CELF2: variants seen among roughly 807,000 people sequenced by gnomAD.
CELF2 encodes the protein CUGBP Elav-like family member 2.
Under a neutral mutation model 62.6 loss-of-function variants are expected in CELF2, and 8 were observed. That is an observed-to-expected ratio of 0.13 (90% CI 0.07 to 0.23). CELF2 has a LOEUF of 0.23. Ranked by LOEUF, CELF2 falls within the 10% of genes least tolerant of loss-of-function variation. CELF2 has a pLI of 1.00. For synonymous variants in CELF2, 258 were observed against 250.0 expected (o/e 1.03, Z -0.30); for missense variants, 333 against 671.0 (o/e 0.50, Z 5.56).
chr10:11,063,674 C>T (rs2067357245), intron 1 of CELF2, among the ~76,000 whole-genome samples: 1 of 152,130 alleles, frequency 6.6e-6, no homozygotes, highest in Middle Eastern at 3.4e-3. Context: ...TAAATAAACC[C>T]TTTTTTTGCT....
the CELF2 span, among the ~76,000 whole-genome samples, chr10:10,564,777 A>T: frequency 6.6e-6 from 1 of 151,908 alleles, no homozygotes; most frequent in African/African-American, 2.4e-5. Flanking sequence ...CAGTGCTCTA[A>T]ACAATCTGCC....
the CELF2 span, among the ~76,000 whole-genome samples, chr10:10,512,967 G>C: frequency 1.3e-5 from 2 of 152,172 alleles, no homozygotes; most frequent in African/African-American, 4.8e-5. Context: ...ATCCCCAAAA[G>C]TCAAGGCCCC....
the CELF2 span, among the ~76,000 whole-genome samples, chr10:10,666,792 G>A: frequency 3.5e-5 from 3 of 84,660 alleles, 1 homozygote; most frequent in Admixed American, 3.3e-4. Context: ...AACCCGGGAG[G>A]CGGAGCTTGC....
chr10:10,656,435 G>A, the CELF2 span, among the ~76,000 whole-genome samples: 12 of 133,870 alleles, frequency 9.0e-5, no homozygotes, highest in Non-Finnish European at 1.6e-4. Flanking sequence ...TGTTTATTGC[G>A]GCATTATTCA....
the CELF2 span, among the ~76,000 whole-genome samples, chr10:10,574,697 T>G: frequency 1.9e-5 from 2 of 107,138 alleles, no homozygotes; most frequent in Non-Finnish European, 3.4e-5. Flanking sequence ...TATGTTAATG[T>G]TTTTTTGTTT....
At chr10:11,229,438 G>A (rs776834955) in intron 3 of CELF2, among the ~76,000 whole-genome samples, 3 of 152,092 alleles carry the variant, frequency 2.0e-5, no homozygotes, top group East Asian at 1.9e-4. Context: ...AAAGGAAAGC[G>A]GTCCTTTGTA....
the CELF2 span, among the ~76,000 whole-genome samples, chr10:10,503,502 G>C: frequency 6.6e-6 from 1 of 151,640 alleles, no homozygotes; most frequent in Non-Finnish European, 1.5e-5. Context: ...GTATTTCTTT[G>C]CTTGGAAATC....
chr10:10,828,495 C>T (rs1026206038), intron 1 of CELF2, among the ~76,000 whole-genome samples: 16 of 152,144 alleles, frequency 1.1e-4, no homozygotes, highest in South Asian at 2.1e-4. Flanking sequence ...CGAGTGGTGG[C>T]GGTCAGGCAC....
chr10:11,319,658 G>A lies in CELF2; in HGVS notation c.1097-1531G>A. The A allele has an allele frequency of 2.4e-6, 1 of 415,502 alleles. No individual in the cohort carries two copies. Among genetic ancestry groups the A allele is most frequent in the Non-Finnish European group, 5.0e-6 (1 of 198,314 alleles). The allele number at this position is 415,502 out of a possible 1,614,324, so 25.7% of individuals were successfully genotyped here. ...GAACTGAGCCTGCACTCAGGAGGCTGCCACTCCATTCTCACGCCATTCACA... is the reference window on the plus strand; with the variant it reads ...GAACTGAGCCTGCACTCAGGAGGCTACCACTCCATTCTCACGCCATTCACA... On this transcript the variant is annotated intron_variant, in intron 10 of 12. Transcript: ENST00000633077. This position sits in a 1 kb window ranked among gnomAD's most constrained non-coding sequence, Gnocchi z 4.4.
the CELF2 span, among the ~76,000 whole-genome samples, chr10:10,778,554 G>T: frequency 6.6e-6 from 1 of 152,162 alleles, no homozygotes; most frequent in African/African-American, 2.4e-5. Flanking sequence ...TGAGAGTTGT[G>T]AACTGAGATT....
chr10:10,769,915 A>G, the CELF2 span, among the ~76,000 whole-genome samples: 1 of 152,176 alleles, frequency 6.6e-6, no homozygotes, highest in Admixed American at 6.5e-5. Flanking sequence ...AGCAGTAGGG[A>G]GACTAGACTT....
At chr10:10,910,414 G>A (rs2063705159) in intron 1 of CELF2, among the ~76,000 whole-genome samples, 1 of 152,106 alleles carries the variant, frequency 6.6e-6, no homozygotes, top group Admixed American at 6.5e-5. Context: ...AAGAAACACA[G>A]GCCAGTGCAG....
chr10:11,080,262 C>G (rs1387231151), intron 1 of CELF2, among the ~76,000 whole-genome samples: 1 of 152,244 alleles, frequency 6.6e-6, no homozygotes, highest in South Asian at 2.1e-4. Context: ...TGTTAGTTCC[C>G]CTTGCTTTTT....
the CELF2 span, among the ~76,000 whole-genome samples, chr10:10,558,632 C>G: frequency 6.6e-6 from 1 of 152,016 alleles, no homozygotes; most frequent in Non-Finnish European, 1.5e-5. Flanking sequence ...CCTTGTACCT[C>G]TGGTAGAATT....
In CELF2 at chr10:11,046,077, C is replaced by G. The variant is rs998568298; in HGVS notation, c.74+27914C>G. Among the ~76,000 whole-genome samples, 1 of 152,136 alleles carries G rather than the reference C, an allele frequency of 6.6e-6. No individual in the cohort carries two copies. The highest frequency in any genetic ancestry group is 2.4e-5 in the African/African-American group (1 of 41,412). The stretch of plus-strand genomic sequence containing the variant: ...TGAAGAGTTTGAACATACAGGGAGA[C>G]CAGCTGACTTGAGCTGTCTACACCT... On this transcript the variant is annotated intron_variant, in intron 1 of 12. Transcript: ENST00000633077. This position sits in a 1 kb window ranked among gnomAD's most constrained non-coding sequence, Gnocchi z 4.6.
rs1456569504 is a variant in CELF2, at chr10:10,993,364, T to G, written c.89+73365T>G. Among the ~76,000 whole-genome samples the G allele has an allele frequency of 6.6e-6, 1 of 151,878 alleles. No individual in the cohort carries two copies. Among genetic ancestry groups the G allele is most frequent in the African/African-American group, 2.4e-5 (1 of 41,340 alleles). On this transcript the variant is annotated intron_variant, in intron 2 of 13. Transcript: ENST00000636488. This position sits in a 1 kb window ranked among gnomAD's most constrained non-coding sequence, Gnocchi z 5.3. ...ATCTAATTGAAGCTACTAGAAAGAGTAAATTGGGAAACACTTTCAGGGCAG... is the reference window on the plus strand; with the variant it reads ...ATCTAATTGAAGCTACTAGAAAGAGGAAATTGGGAAACACTTTCAGGGCAG...
At chr10:10,748,696 C>T in the CELF2 span, among the ~76,000 whole-genome samples, 2 of 138,960 alleles carry the variant, frequency 1.4e-5, no homozygotes, top group African/African-American at 5.5e-5. Context: ...GGCAGTGAGC[C>T]GAGGTTGTGC....
At chr10:10,717,799 C>G in the CELF2 span, among the ~76,000 whole-genome samples, 1 of 152,126 alleles carries the variant, frequency 6.6e-6, no homozygotes, top group Non-Finnish European at 1.5e-5. Flanking sequence ...GCCCGGAATA[C>G]TTCTCCCTAC....
chr10:10,708,808 A>G, the CELF2 span, among the ~76,000 whole-genome samples: 1 of 152,248 alleles, frequency 6.6e-6, no homozygotes, highest in Non-Finnish European at 1.5e-5. Flanking sequence ...GTAAGAAATA[A>G]TAATCCTCTG....
Sources: gnomAD v4.1 joint callset for allele counts (sites outside exome capture counted in the v4.1 genomes callset) on GRCh38, gnomAD v4.1.1 for gene constraint, Gnocchi (gnomAD v3.1) non-coding constraint, MANE v1.5 for transcripts, NCBI Gene and HGNC (gene_info 2026-07-23, HGNC 2026-07-21) for gene names.